The following CLDN16 variants were observed in gnomAD, a reference collection of about 807,000 sequenced individuals.
CLDN16 encodes the protein claudin-16.
A neutral mutation model predicts 24.6 loss-of-function variants in CLDN16; 13 were observed. The observed-to-expected ratio is 0.53, with a 90% CI of 0.34 to 0.84. The LOEUF (loss-of-function observed/expected upper bound fraction) is 0.84. CLDN16 is among the 40% of genes least tolerant of loss of function. The pLI, the probability that CLDN16 is intolerant of heterozygous loss-of-function variation, is 0.01. For missense variants in CLDN16, 298 were observed against 292.7 expected, an observed-to-expected ratio of 1.02 and a Z score of -0.13; for synonymous variants, 116 against 106.7, an observed-to-expected ratio of 1.09 and a Z score of -0.54.
At chr3:190,294,097 T>C in the CLDN16 span, among the ~76,000 whole-genome samples, 1 of 152,180 alleles carries the variant, frequency 6.6e-6, no homozygotes, top group African/African-American at 2.4e-5. Flanking sequence ...GTCCTGAGAA[T>C]TGCTTTCTGT....
intron 1 of CLDN16, chr3:190,370,770 C>T (rs534414784): frequency 2.6e-5 from 4 of 151,908 alleles, no homozygotes; most frequent in East Asian, 3.9e-4. Flanking sequence ...GGTAGACCCA[C>T]CCTTAATTTG....
At chr3:190,361,151 A>G (rs374579496) in intron 1 of CLDN16, among the ~76,000 whole-genome samples, 1 of 152,026 alleles carries the variant, frequency 6.6e-6, no homozygotes, top group African/African-American at 2.4e-5. Context: ...TCATTCTTTC[A>G]TTGAGTCAGT....
chr3:190,367,744 T>G (rs1277873339), intron 1 of CLDN16, among the ~76,000 whole-genome samples: 1 of 151,998 alleles, frequency 6.6e-6, no homozygotes, highest in African/African-American at 2.4e-5. Context: ...GAATATGTTT[T>G]ATGCACTTTT....
the CLDN16 span, among the ~76,000 whole-genome samples, chr3:190,300,978 A>T: frequency 6.6e-6 from 1 of 152,320 alleles, no homozygotes; most frequent in East Asian, 1.9e-4. Context: ...AGAAAAATAA[A>T]TTTGGTTTCT....
Position 190,410,085 on chromosome 3 carries a change from G to C in CLDN16, c.*49G>C. On this transcript the variant is annotated 3_prime_UTR_variant, in exon 5 of 5. Transcript: ENST00000264734. ...GCATATGATTTAATCAATCAGTATG[G>C]TTACATTGATAAAATAGTAAGTCAA... The C allele has an allele frequency of 3.1e-6, 5 of 1,592,608 alleles. No homozygotes were observed. In the South Asian group the frequency reaches 5.5e-5, roughly 18 times the overall value.
the CLDN16 span, among the ~76,000 whole-genome samples, chr3:190,299,099 A>C: frequency 6.6e-6 from 1 of 152,210 alleles, no homozygotes; most frequent in Non-Finnish European, 1.5e-5. Flanking sequence ...GATGCATATC[A>C]GACATCTTAT....
At chr3:190,296,242 G>C in the CLDN16 span, among the ~76,000 whole-genome samples, 13 of 152,098 alleles carry the variant, frequency 8.5e-5, no homozygotes, top group East Asian at 7.7e-4. Flanking sequence ...AAACAGTCAG[G>C]CAATACAGTA....
At chr3:190,340,808 C>T (rs543609430) in intron 1 of CLDN16, among the ~76,000 whole-genome samples, 1 of 152,290 alleles carries the variant, frequency 6.6e-6, no homozygotes, top group South Asian at 2.1e-4. Context: ...TTAGTTACTT[C>T]CTAGATACAA....
At chr3:190,388,148 C>T (rs140781331), upstream of CLDN16, 46 of 1,613,898 alleles carry the variant, frequency 2.9e-5, no homozygotes, top group Non-Finnish European at 3.4e-5. Context: ...CTGTTGGTTA[C>T]AGCCTGTTTG....
chr3:190,392,997 T>G (rs1248228405), intron 1 of CLDN16, among the ~76,000 whole-genome samples: 1 of 152,136 alleles, frequency 6.6e-6, no homozygotes, highest in Non-Finnish European at 1.5e-5. Flanking sequence ...AGACTTTTGT[T>G]ATAGACCAGA....
At position 190,406,733 on chromosome 3, in the gene CLDN16, A is replaced by T. The variant is rs1484659957; in HGVS notation, c.383-1581A>T. 1.5e-4 allele frequency among the ~76,000 whole-genome samples: 21 copies of T among 140,180 alleles called. No individual in the cohort carries two copies. In the East Asian group the frequency reaches 4.3e-3, roughly 29 times the overall value. 92.0% of individuals were successfully genotyped at this position (140,180 alleles called of 152,430 possible). ...GTTTTCTAAAGGTTATGTGTTTATT[A>T]TCTGGCTTTTTTTTTTTTTTTTTTT... On this transcript the variant is annotated intron_variant, in intron 3 of 4. Transcript: ENST00000264734.
the CLDN16 span, among the ~76,000 whole-genome samples, chr3:190,290,484 G>A: frequency 1.0e-3 from 155 of 152,166 alleles, no homozygotes; most frequent in African/African-American, 3.6e-3. Context: ...TCAGTCCTAG[G>A]TGGAAGACAA....
intron 1 of CLDN16, among the ~76,000 whole-genome samples, chr3:190,399,981 A>T (rs1718922157): frequency 6.6e-6 from 1 of 152,138 alleles, no homozygotes; most frequent in Non-Finnish European, 1.5e-5. Context: ...CAAGCACCTA[A>T]TGCCTGATGA....
the CLDN16 span, among the ~76,000 whole-genome samples, chr3:190,295,480 A>C: frequency 1.3e-5 from 2 of 152,154 alleles, no homozygotes; most frequent in East Asian, 1.9e-4. Flanking sequence ...GGCAGTTTAG[A>C]CTTAAAACGA....
chr3:190,293,248 C>T, the CLDN16 span, among the ~76,000 whole-genome samples: 2 of 152,114 alleles, frequency 1.3e-5, no homozygotes, highest in Non-Finnish European at 2.9e-5. Flanking sequence ...CTCATGAGAA[C>T]ACTCACTATC....
At chr3:190,364,855 G>A (rs548479799) in intron 1 of CLDN16, among the ~76,000 whole-genome samples, 3 of 151,022 alleles carry the variant, frequency 2.0e-5, no homozygotes, top group Non-Finnish European at 3.0e-5. Flanking sequence ...TGATTATATC[G>A]GCACGCCCCA....
intron 1 of CLDN16, among the ~76,000 whole-genome samples, chr3:190,336,399 G>T (rs991557845): frequency 6.6e-6 from 1 of 152,194 alleles, no homozygotes; most frequent in African/African-American, 2.4e-5. Flanking sequence ...GTGGTCTGGT[G>T]CATACTCGAA....
chr3:190,404,682 T>C (rs1453082910), intron 2 of CLDN16, 80 bp from the exon 3 acceptor site: 2 of 1,407,916 alleles, frequency 1.4e-6, no homozygotes, highest in African/African-American at 2.8e-5. Context: ...CCTACTTGTC[T>C]GTTTTTTTTG....
chr3:190,318,280 C>G (rs1347379986), upstream of CLDN16, among the ~76,000 whole-genome samples: 1 of 152,166 alleles, frequency 6.6e-6, no homozygotes, highest in Non-Finnish European at 1.5e-5. Context: ...GAAATTTTCT[C>G]AGAATTAAGT....
Sources: gnomAD v4.1 joint callset for allele counts (sites outside exome capture counted in the v4.1 genomes callset) on GRCh38, gnomAD v4.1.1 for gene constraint, MANE v1.5 for transcripts, NCBI Gene and HGNC (gene_info 2026-07-23, HGNC 2026-07-21) for gene names.